ATXN1: variants seen among roughly 807,000 people sequenced by gnomAD.
ATXN1 encodes ataxin-1.
In ATXN1, 8 loss-of-function variants were observed where a neutral mutation model predicts 56.4. That is an observed-to-expected ratio of 0.14 (90% CI 0.08 to 0.26). The LOEUF is 0.26. Among genes scored for constraint, ATXN1 ranks in the 10% least tolerant of loss-of-function variants. The pLI is 1.00. For missense variants in ATXN1, 987 were observed against 1,106.5 expected (o/e 0.89, Z 1.53); for synonymous variants, 514 against 494.6 (o/e 1.04, Z -0.52).
chr6:16,700,854 G>C (rs1016099125), intron 2 of ATXN1, among the ~76,000 whole-genome samples: 2 of 151,926 alleles, frequency 1.3e-5, no homozygotes, highest in African/African-American at 4.8e-5. Flanking sequence ...TTTCTAAGTG[G>C]AAAACAGATC....
At chr6:16,571,207 A>C (rs1005142091) in intron 4 of ATXN1, among the ~76,000 whole-genome samples, 3 of 152,224 alleles carry the variant, frequency 2.0e-5, no homozygotes, top group African/African-American at 7.2e-5. Context: ...CACTCTGAGA[A>C]TGAAGGTGAC....
Position 16,542,990 on chromosome 6 carries a change from A to C in ATXN1, c.-360-20302T>G, listed in dbSNP as rs920970181. 2.6e-5 allele frequency among the ~76,000 whole-genome samples: 4 copies of C among 151,166 alleles called. No individual in the cohort carries two copies. The East Asian group carries it at 8.0e-4, about 30-fold the overall frequency. On this transcript the variant is annotated intron_variant, in intron 4 of 7. Coordinates refer to ENST00000436367, the MANE Select transcript of ATXN1 (RefSeq NM_001128164.2). ...TGACTGTGGGTAATTGAAACAGCAG[A>C]AAATGACACCGAAGATGGGGGGTGG...
intron 2 of ATXN1, among the ~76,000 whole-genome samples, chr6:16,750,841 A>G (rs968768868): frequency 6.6e-6 from 1 of 152,196 alleles, no homozygotes; most frequent in Non-Finnish European, 1.5e-5. Context: ...CCCATTTGCA[A>G]TTAAACTATT....
At chr6:16,607,501 G>T (rs1158215563) in intron 3 of ATXN1, among the ~76,000 whole-genome samples, 1 of 152,106 alleles carries the variant, frequency 6.6e-6, no homozygotes, top group Non-Finnish European at 1.5e-5. Flanking sequence ...ATGTGTCAGT[G>T]TTATATTCAT....
At chr6:16,412,417 A>G (rs1758817902) in intron 6 of ATXN1, among the ~76,000 whole-genome samples, 1 of 152,224 alleles carries the variant, frequency 6.6e-6, no homozygotes, top group Admixed American at 6.5e-5. Flanking sequence ...TAAAGCATGT[A>G]ACCAGACTGC....
chr6:16,644,407 C>A (rs1047620446), intron 3 of ATXN1, among the ~76,000 whole-genome samples: 2 of 150,954 alleles, frequency 1.3e-5, no homozygotes, highest in African/African-American at 4.9e-5. Flanking sequence ...CCCAGCTACT[C>A]GGGAGGCCGA....
rs77493467 is a variant in ATXN1 at position 16,713,879 on chromosome 6, C to G, written c.-615+39354G>C. ...CGTCAAATCTTAACTGGTCCCTGGC[C>G]GCGCGTAGTAACTCATGCCTATAAT... On this transcript the variant is annotated intron_variant, in intron 2 of 7. Coordinates refer to ENST00000436367, the MANE Select transcript of ATXN1 (RefSeq NM_001128164.2). 2.9e-4 allele frequency among the ~76,000 whole-genome samples: 44 copies of G among 152,304 alleles called. No homozygotes were observed. The East Asian group carries it at 8.1e-3, about 28-fold the overall frequency.
intron 6 of ATXN1, among the ~76,000 whole-genome samples, chr6:16,346,268 G>A (rs1003935250): frequency 2.0e-5 from 3 of 152,084 alleles, no homozygotes; most frequent in Non-Finnish European, 4.4e-5. Context: ...TGGCCAGGCT[G>A]GTCTCAAACT....
chr6:16,364,934 C>T (rs528737652), intron 6 of ATXN1, among the ~76,000 whole-genome samples: 1 of 152,312 alleles, frequency 6.6e-6, no homozygotes, highest in East Asian at 1.9e-4. Flanking sequence ...GTGACTACAG[C>T]TAAAAGGCAG....
chr6:16,523,386 G>A (rs902995596), intron 4 of ATXN1, among the ~76,000 whole-genome samples: 1 of 152,158 alleles, frequency 6.6e-6, no homozygotes, highest in African/African-American at 2.4e-5. Context: ...CTCTCATGGG[G>A]GAATTCAGTG....
At chr6:16,683,449 A>T (rs1561806978) in intron 2 of ATXN1, among the ~76,000 whole-genome samples, 1 of 152,220 alleles carries the variant, frequency 6.6e-6, no homozygotes, top group Non-Finnish European at 1.5e-5. Context: ...ACGCTGCAGA[A>T]ACTTTTGACA....
chr6:16,622,423 A>G (rs1763334922), intron 3 of ATXN1, among the ~76,000 whole-genome samples: 2 of 152,164 alleles, frequency 1.3e-5, no homozygotes, highest in African/African-American at 4.8e-5. Context: ...ACAAGCAAAG[A>G]GTACAAGGGA....
At chr6:16,563,705 T>C (rs1257308867) in intron 4 of ATXN1, among the ~76,000 whole-genome samples, 1 of 151,850 alleles carries the variant, frequency 6.6e-6, no homozygotes, top group Non-Finnish European at 1.5e-5. Flanking sequence ...TCTGGGAAGC[T>C]GAAATGAAGG....
At position 16,392,326 on chromosome 6, in the gene ATXN1, C is replaced by T. The variant is rs1469360719; in HGVS notation, c.-160-63856G>A. ...CCCATGGATACAGAAACAGGCTAGT[C>T]TTAACAATCTTTTAGACCTGACCTT... is the stretch of plus-strand genomic sequence containing the variant. On this transcript the variant is annotated intron_variant, in intron 6 of 7. Transcript: ENST00000436367. 2.0e-5 allele frequency among the ~76,000 whole-genome samples: 3 copies of T among 152,180 alleles called. No individual in the cohort carries two copies. In the South Asian group the frequency reaches 6.2e-4, roughly 31 times the overall value.
intron 6 of ATXN1, among the ~76,000 whole-genome samples, chr6:16,468,398 T>C (rs1261620854): frequency 3.3e-5 from 5 of 152,054 alleles, no homozygotes; most frequent in Admixed American, 3.3e-4. Context: ...ACTGTGTTAG[T>C]CAGGATGGTC....
chr6:16,408,099 AG>A (rs1284350222), intron 6 of ATXN1, among the ~76,000 whole-genome samples: 1 of 152,168 alleles, frequency 6.6e-6, no homozygotes, highest in African/African-American at 2.4e-5. Flanking sequence ...GGAGGGGTGC[AG>A]GAAGAGACCG....
chr6:16,739,823 A>G (rs1026801969), intron 2 of ATXN1: 2 of 456,684 alleles, frequency 4.4e-6, no homozygotes, highest in African/African-American at 2.0e-5. Flanking sequence ...GCGAGTTCAT[A>G]AACACTTTGA....
intron 3 of ATXN1, among the ~76,000 whole-genome samples, chr6:16,656,490 G>A (rs1216961707): frequency 1.3e-5 from 2 of 148,520 alleles, no homozygotes; most frequent in Admixed American, 1.3e-4. Context: ...ATCATGAACG[G>A]GGTTGATAAA....
intron 6 of ATXN1, among the ~76,000 whole-genome samples, chr6:16,329,506 T>C (rs951736515): frequency 6.6e-6 from 1 of 152,154 alleles, no homozygotes; most frequent in East Asian, 1.9e-4. Context: ...ACTCATATGA[T>C]GACGGAGTGA....
Sources: allele counts gnomAD v4.1 joint callset (sites outside exome capture counted in the v4.1 genomes callset), GRCh38; gene constraint gnomAD v4.1.1; transcripts MANE v1.5; gene names NCBI Gene and HGNC (gene_info 2026-07-23, HGNC 2026-07-21).